Variants in LGALS8 observed in about 807,000 individuals in gnomAD.
The protein encoded by LGALS8 is galectin-8.
A neutral mutation model predicts 35.9 loss-of-function variants in LGALS8; 30 were observed. That is an observed-to-expected ratio of 0.83 (90% CI 0.62 to 1.13). The LOEUF (loss-of-function observed/expected upper bound fraction) is 1.13, where lower values mean the gene tolerates loss of function less well. LGALS8 is among the 50% of genes most tolerant of loss of function. The probability of loss-of-function intolerance (pLI) is 0.00; values close to 1 mark genes in which losing one functional copy is unlikely to be tolerated. For missense variants in LGALS8, 366 were observed against 388.7 expected, an observed-to-expected ratio of 0.94 and a Z score of 0.49; for synonymous variants, 138 against 136.1, an observed-to-expected ratio of 1.01 and a Z score of -0.10.
intron 1 of LGALS8, chr1:236,524,535 G>T (rs1441496006): frequency 2.4e-6 from 1 of 420,778 alleles, no homozygotes; most frequent in Non-Finnish European, 4.9e-6. Flanking sequence ...TTAGGATGCC[G>T]AGTCATTTGA....
chr1:236,544,001 G>C (rs1157463475), intron 8 of LGALS8, among the ~76,000 whole-genome samples: 6 of 151,730 alleles, frequency 4.0e-5, no homozygotes, highest in African/African-American at 1.5e-4. Flanking sequence ...CTGGAGTGCA[G>C]TGTCACAATC....
intron 9 of LGALS8, among the ~76,000 whole-genome samples, chr1:236,547,657 G>T (rs564132540): frequency 2.1e-4 from 30 of 141,814 alleles, no homozygotes; most frequent in Non-Finnish European, 3.8e-4. Flanking sequence ...CCTGCTTTAG[G>T]AGAGTCCCCA....
chr1:236,545,550 C>CTTAG (rs971463915), intron 9 of LGALS8, among the ~76,000 whole-genome samples: 9 of 152,210 alleles, frequency 5.9e-5, no homozygotes, highest in Non-Finnish European at 1.3e-4. Flanking sequence ...CACACAGTCA[C>CTTAG]TTAGGGTCAT....
At position 236,526,357 on chromosome 1, in the gene LGALS8, G is replaced by A; in HGVS notation, c.45+242G>A. ...GTTATGAACAGGGAACGTCTGGGTAGAGTGGAGGGAATGCCAACTTTTGGT... is the reference window on the plus strand; with the variant it reads ...GTTATGAACAGGGAACGTCTGGGTAAAGTGGAGGGAATGCCAACTTTTGGT... On this transcript the variant is annotated intron_variant, in intron 2 of 9. Coordinates refer to ENST00000366584, the MANE Select transcript of LGALS8 (RefSeq NM_201544.4). This position sits in a 1 kb window ranked among gnomAD's most constrained non-coding sequence, Gnocchi z 4.6. 1 of 340,796 alleles carries A rather than the reference G, an allele frequency of 2.9e-6. No individual in the cohort carries two copies. The allele number at this position is 340,796 out of a possible 1,614,324, so 21.1% of individuals were successfully genotyped here. A position where few individuals can be genotyped will look rare whatever the true frequency, so the allele number is the denominator to read the frequency against.
intron 1 of LGALS8, 46 bp downstream of exon 1, chr1:236,524,107 A>G (rs2103062781): frequency 4.4e-6 from 2 of 456,394 alleles, no homozygotes; most frequent in Non-Finnish European, 8.8e-6. Context: ...CAGTCGCTAG[A>G]GGCGTGGCTG....
In LGALS8 at chr1:236,550,371, C is replaced by G. The variant is rs1662671974; in HGVS notation, c.*2210C>G. ...AAAAAAGCATTCCAGAACCACTTCT[C>G]TTTATGGGCACAACAAAGAAACGAA... On this transcript the variant is annotated 3_prime_UTR_variant, in exon 10 of 10. Coordinates refer to ENST00000366584, the MANE Select transcript of LGALS8 (RefSeq NM_201544.4). The G allele has an allele frequency of 6.6e-6, 1 of 152,294 alleles. No homozygotes were observed. The highest frequency in any genetic ancestry group is 1.5e-5 in the Non-Finnish European group (1 of 68,102). The allele number at this position is 152,294 out of a possible 1,614,324, so 9.4% of individuals were successfully genotyped here. A position where few individuals can be genotyped will look rare whatever the true frequency, so the allele number is the denominator to read the frequency against.
chr1:236,543,514 A>C lies in LGALS8; in HGVS notation c.550-46A>C, dbSNP rs779055715. ...CTTTGGACACGAGTTTTCCCTGGAG[A>C]TCGCTTTCTGCAGGCCTCTTGGTCC... is the stretch of plus-strand genomic sequence containing the variant. On this transcript the variant is annotated intron_variant, in intron 7 of 9. Transcript: ENST00000366584. 4.6e-5 allele frequency: 63 copies of C among 1,364,364 alleles called. No homozygotes were observed. In the Admixed American group the frequency reaches 1.0e-3, roughly 22 times the overall value. 84.5% of individuals were successfully genotyped at this position (1,364,364 alleles called of 1,614,324 possible).
rs777434870 is a variant in LGALS8 at position 236,543,420 on chromosome 1, G to A, written c.550-140G>A. ...GTGCTGCTGCAGGGGACCCAGCTGG[G>A]ACCAAGGCAGACTGTCTCTCCCCTC... is the stretch of plus-strand genomic sequence containing the variant. On this transcript the variant is annotated intron_variant, in intron 7 of 9. Transcript: ENST00000366584. 35 of 741,078 alleles carry A rather than the reference G, an allele frequency of 4.7e-5. 1 individual carries two copies. The South Asian group carries it at 5.2e-4, about 11-fold the overall frequency. The allele number at this position is 741,078 out of a possible 1,614,324, so 45.9% of individuals were successfully genotyped here.
chr1:236,540,557 T>C lies in LGALS8; in HGVS notation c.346-7T>C. 1 of 1,559,088 alleles carries C rather than the reference T, an allele frequency of 6.4e-7. No individual in the cohort carries two copies. Among genetic ancestry groups the C allele is most frequent in the Non-Finnish European group, 8.7e-7 (1 of 1,153,224 alleles). The stretch of plus-strand genomic sequence containing the variant: ...CGGGGGGGGCTCTGTCTTCTGTATC[T>C]CTCTAGGTGGCTGTAAATGGAAAAC... On this transcript the variant is annotated splice_region_variant and splice_polypyrimidine_tract_variant and intron_variant, in intron 4 of 9. Transcript: ENST00000366584.
At chr1:236,523,914 A>G (rs142276267), upstream of LGALS8, 6,051 of 358,536 alleles carry the variant, frequency 0.017, 80 homozygotes, top group Middle Eastern at 0.027. Flanking sequence ...AGACCACAGC[A>G]GTGAGGCGCG....
At chr1:236,525,240 T>C (rs975250762) in intron 1 of LGALS8, among the ~76,000 whole-genome samples, 3 of 152,184 alleles carry the variant, frequency 2.0e-5, no homozygotes, top group African/African-American at 7.2e-5. Context: ...ACAATAATAA[T>C]AGCTAACATA....
At position 236,537,535 on chromosome 1, in the gene LGALS8, T is replaced by C; in HGVS notation, c.84T>C (p.Asp28=). The stretch of plus-strand genomic sequence containing the variant: ...TTGGCACCATTCCTGATCAGCTGGA[T>C]CCTGGAACTTTGATTGTGATACGTG... ...PFVGTIPDQL[D]PGTLIVIRGH... The change falls in exon 3 of 10, where the codon GAT becomes GAC. Residue 28 remains aspartate, a synonymous_variant. Coordinates refer to ENST00000366584, the MANE Select transcript of LGALS8 (RefSeq NM_201544.4). 6.2e-7 allele frequency: 1 copy of C among 1,606,750 alleles called. No individual in the cohort carries two copies. The highest frequency in any genetic ancestry group is 2.2e-5 in the East Asian group (1 of 44,860).
At position 236,525,965 on chromosome 1, in the gene LGALS8, C is replaced by T. The variant is rs1660793451; in HGVS notation, c.-103-3C>T. The T allele has an allele frequency of 2.6e-5, 19 of 727,518 alleles. No individual in the cohort carries two copies. Among genetic ancestry groups the T allele is most frequent in the South Asian group, 2.1e-4 (11 of 51,512 alleles). 45.1% of individuals were successfully genotyped at this position (727,518 alleles called of 1,614,324 possible). On this transcript the variant is annotated splice_polypyrimidine_tract_variant and splice_region_variant and intron_variant, in intron 1 of 9. Transcript: ENST00000366584. ...TCTTTTCCTCTATTTTTACTTTACACAGGGCCAGTGCCTCAGTTTCAATCC... is the reference window on the plus strand; with the variant it reads ...TCTTTTCCTCTATTTTTACTTTACATAGGGCCAGTGCCTCAGTTTCAATCC...
Position 236,539,099 on chromosome 1 carries a change from GGA to G in LGALS8, c.345+14_345+15del. 1 of 1,610,256 alleles carries G rather than the reference GGA, an allele frequency of 6.2e-7. No homozygotes were observed. Among genetic ancestry groups the G allele is most frequent in the East Asian group, 2.2e-5 (1 of 44,874 alleles). ...GAAGGACAAATTCCAGGTAGGTTTTGGAGAGGGACAGGTTGAGTCCTCATTAG... is the reference window on the plus strand; with the variant it reads ...GAAGGACAAATTCCAGGTAGGTTTTGGAGGGACAGGTTGAGTCCTCATTAG... On this transcript the variant is annotated intron_variant, in intron 4 of 9. Coordinates refer to ENST00000366584, the MANE Select transcript of LGALS8 (RefSeq NM_201544.4).
At chr1:236,528,414 T>G (rs1660945867) in intron 2 of LGALS8, among the ~76,000 whole-genome samples, 1 of 150,102 alleles carries the variant, frequency 6.7e-6, no homozygotes, top group African/African-American at 2.4e-5. Flanking sequence ...ACACAAAACC[T>G]GTTTTCTTGA....
In LGALS8 at chr1:236,548,617, C is replaced by T. The variant is rs1288351461; in HGVS notation, c.*456C>T. The stretch of plus-strand genomic sequence containing the variant: ...CGCACTGCTTTTTCTACAGGCATTA[C>T]ATCAACTCCTAAGGGGTCCTCTGGG... On this transcript the variant is annotated 3_prime_UTR_variant, in exon 10 of 10. Transcript: ENST00000366584. 2 of 293,066 alleles carry T rather than the reference C, an allele frequency of 6.8e-6. No homozygotes were observed. The highest frequency in any genetic ancestry group is 4.3e-5 in the African/African-American group (2 of 46,452). 18.2% of individuals were successfully genotyped at this position (293,066 alleles called of 1,614,324 possible). A position where few individuals can be genotyped will look rare whatever the true frequency, so the allele number is the denominator to read the frequency against.
intron 4 of LGALS8, among the ~76,000 whole-genome samples, chr1:236,539,905 A>G (rs1215204587): frequency 1.3e-5 from 2 of 152,154 alleles, no homozygotes; most frequent in East Asian, 3.9e-4. Flanking sequence ...TCCCTGAGTC[A>G]GAGACTATAT....
Position 236,548,089 on chromosome 1 carries a change from T to G in LGALS8, c.882T>G (p.Phe294Leu). 1 of 1,613,888 alleles carries G rather than the reference T, an allele frequency of 6.2e-7. No homozygotes were observed. Among genetic ancestry groups the G allele is most frequent in the African/African-American group, 1.3e-5 (1 of 75,022 alleles). Reference protein sequence around the residue: ...GVHSLEYKHRFKELSSIDTLE... With the variant: ...GVHSLEYKHRLKELSSIDTLE... ...ACAGCCTGGAGTACAAACACAGATT[T>G]AAAGAGCTCAGCAGTATTGACACGC... The change falls in exon 10 of 10, where the codon TTT becomes TTG. Residue 294 changes from phenylalanine to leucine, a missense_variant. Coordinates refer to ENST00000366584, the MANE Select transcript of LGALS8 (RefSeq NM_201544.4).
chr1:236,537,160 G>A (rs1661582440), intron 2 of LGALS8, among the ~76,000 whole-genome samples: 1 of 151,618 alleles, frequency 6.6e-6, no homozygotes. Context: ...GGGACTACAG[G>A]CGCCCACCAC....
Sources: gnomAD v4.1 joint callset for allele counts (sites outside exome capture counted in the v4.1 genomes callset) on GRCh38, gnomAD v4.1.1 for gene constraint, Gnocchi (gnomAD v3.1) non-coding constraint, MANE v1.5 for transcripts, NCBI Gene and HGNC (gene_info 2026-07-23, HGNC 2026-07-21) for gene names.